The following PSKH2 variants were observed in gnomAD, a reference collection of about 807,000 sequenced individuals.
The protein encoded by PSKH2 is protein serine kinase H2.
Under a neutral mutation model 22.5 loss-of-function variants are expected in PSKH2, and 16 were observed. The observed-to-expected ratio is 0.71, with a 90% CI of 0.48 to 1.08. The LOEUF (loss-of-function observed/expected upper bound fraction) is 1.08, where lower values mean the gene tolerates loss of function less well. PSKH2 is among the 50% of genes least tolerant of loss of function. The pLI, the probability that PSKH2 is intolerant of heterozygous loss-of-function variation, is 0.00. For synonymous variants in PSKH2, 188 were observed against 184.8 expected, an observed-to-expected ratio of 1.02 and a Z score of -0.14; for missense variants, 516 against 492.8, an observed-to-expected ratio of 1.05 and a Z score of -0.44.
chr8:86,052,433 C>G (rs10086956), intron 2 of PSKH2, among the ~76,000 whole-genome samples: 48,041 of 152,134 alleles, frequency 0.32, 8,064 homozygotes, highest in Middle Eastern at 0.47. Context: ...TGACCACACA[C>G]AGCTCTGCAA....
chr8:86,057,658 G>T (rs1314078332), intron 2 of PSKH2, among the ~76,000 whole-genome samples: 1 of 152,102 alleles, frequency 6.6e-6, no homozygotes, highest in Non-Finnish European at 1.5e-5. Flanking sequence ...CCAAAGTGCT[G>T]GGATTACAGG....
Position 86,064,403 on chromosome 8 carries a change from C to T in PSKH2, c.414G>A (p.Glu138=). The T allele has an allele frequency of 6.2e-7, 1 of 1,614,186 alleles. No individual in the cohort carries two copies. The highest frequency in any genetic ancestry group is 8.5e-7 in the Non-Finnish European group (1 of 1,180,042). Residue 138 remains glutamate, a synonymous_variant, in exon 2 of 3, where the codon GAG becomes GAA. Coordinates refer to ENST00000276616, the MANE Select transcript of PSKH2 (RefSeq NM_033126.3). Reference sequence around the variant, plus strand: ...CAAAGAGCTCCCCTCCGGTAGCCAGCTCCATTACCATGTAAACTTGATCCT... The same window carrying T: ...CAAAGAGCTCCCCTCCGGTAGCCAGTTCCATTACCATGTAAACTTGATCCT... ...ETEDQVYMVM[E]LATGGELFDR...
chr8:86,060,527 C>T (rs1817762449), intron 2 of PSKH2, among the ~76,000 whole-genome samples: 1 of 152,104 alleles, frequency 6.6e-6, no homozygotes, highest in Non-Finnish European at 1.5e-5. Flanking sequence ...TATATGATTC[C>T]TTGGTATTAT....
intron 1 of PSKH2, among the ~76,000 whole-genome samples, chr8:86,066,683 T>C (rs764442529): frequency 3.3e-5 from 5 of 152,158 alleles, no homozygotes; most frequent in African/African-American, 4.8e-5. Context: ...CCTGTAACTT[T>C]TTTTTTTGCC....
chr8:86,062,544 C>T (rs376138849), intron 2 of PSKH2, among the ~76,000 whole-genome samples: 3 of 152,232 alleles, frequency 2.0e-5, no homozygotes, highest in South Asian at 4.2e-4. Flanking sequence ...ACGTTGTTCT[C>T]ATGATAGTGA....
intron 2 of PSKH2, among the ~76,000 whole-genome samples, chr8:86,054,719 T>C (rs980756389): frequency 2.0e-5 from 3 of 152,190 alleles, no homozygotes; most frequent in African/African-American, 7.2e-5. Context: ...TATTCACAAG[T>C]CACAGGTGCC....
At chr8:86,059,921 T>G (rs1297644877) in intron 2 of PSKH2, among the ~76,000 whole-genome samples, 1 of 152,216 alleles carries the variant, frequency 6.6e-6, no homozygotes, top group East Asian at 1.9e-4. Context: ...GGAAAAGATT[T>G]GCATCTGTAG....
chr8:86,057,482 G>A (rs571618164), intron 2 of PSKH2, among the ~76,000 whole-genome samples: 2 of 152,150 alleles, frequency 1.3e-5, no homozygotes, highest in African/African-American at 4.8e-5. Context: ...CACCTCCCGG[G>A]TTCAAGCGAT....
At chr8:86,062,648 C>T (rs564829990) in intron 2 of PSKH2, among the ~76,000 whole-genome samples, 1 of 152,252 alleles carries the variant, frequency 6.6e-6, no homozygotes, top group African/African-American at 2.4e-5. Flanking sequence ...GCTTGCTTCC[C>T]CTTGGCCTTC....
Position 86,064,057 on chromosome 8 carries a change from C to T in PSKH2, c.760G>A (p.Ala254Thr). The T allele has an allele frequency of 5.6e-6, 9 of 1,614,146 alleles. No homozygotes were observed. Among genetic ancestry groups the T allele is most frequent in the Non-Finnish European group, 7.6e-6 (9 of 1,180,012 alleles). ...AAAGGCAGGAATCCGCTAAGTAAAG[C>T]ATATGTGATCACACCAAGAGCCCAC... ...DMWALGVITY[A>T]LLSGFLPFDD... is the part of the protein sequence containing the mutation. Residue 254 changes from alanine to threonine, a missense_variant, in exon 2 of 3, where the codon GCT becomes ACT. By Grantham distance (58) the Ala-to-Thr change is moderately conservative (BLOSUM62 0). Coordinates refer to ENST00000276616, the MANE Select transcript of PSKH2 (RefSeq NM_033126.3).
At chr8:86,068,011 G>A (rs1304868768) in intron 1 of PSKH2, among the ~76,000 whole-genome samples, 1 of 152,182 alleles carries the variant, frequency 6.6e-6, no homozygotes, top group East Asian at 1.9e-4. Flanking sequence ...AATTAGTAGG[G>A]TGGATGAAAA....
rs1817555365 is a variant in PSKH2, at chr8:86,048,157, C to G, written c.*305G>C. ...GTTCACCATGCCTTCACATATACAT[C>G]CCTTATTTCTATAGTATTGTATTTT... On this transcript the variant is annotated 3_prime_UTR_variant, in exon 3 of 3. Coordinates refer to ENST00000276616, the MANE Select transcript of PSKH2 (RefSeq NM_033126.3). Among the ~76,000 whole-genome samples, 1 of 152,120 alleles carries G rather than the reference C, an allele frequency of 6.6e-6. No homozygotes were observed. The highest frequency in any genetic ancestry group is 2.4e-5 in the African/African-American group (1 of 41,414).
chr8:86,064,223 C>T lies in PSKH2; in HGVS notation c.594G>A (p.Ser198=), dbSNP rs16879396. 4,781 of 1,614,038 alleles carry T rather than the reference C, an allele frequency of 3.0e-3. 143 individuals are homozygous for T. In the African/African-American group the frequency reaches 0.057, roughly 19 times the overall value. Residue 198 remains serine, a synonymous_variant, in exon 2 of 3, where the codon TCG becomes TCA. Transcript: ENST00000276616. ...AACCAAAATCTGTAATTAAAATTTT[C>T]GACTCTTCACCTGGATGATAGTATA... ...NLLYYHPGEE[S]KILITDFGLA... is the part of the protein sequence containing the mutation.
chr8:86,069,439 T>G lies in PSKH2; in HGVS notation c.184A>C (p.Arg62=), dbSNP rs571676571. ...CCAGTTCCTCACGTGGCGCTTTACC[T>G]GGCAAGGACCCGGGGGTCGAACTTG... ...RAKFDPRVLA[R]YDIKALIGTG... Residue 62 remains arginine, a splice_region_variant and synonymous_variant, in exon 1 of 3, where the codon AGA becomes CGA. Transcript: ENST00000276616. 8 of 1,580,468 alleles carry G rather than the reference T, an allele frequency of 5.1e-6. No individual in the cohort carries two copies. The African/African-American group carries it at 1.1e-4, about 22-fold the overall frequency.
intron 2 of PSKH2, among the ~76,000 whole-genome samples, chr8:86,049,176 C>A (rs905068319): frequency 6.6e-6 from 1 of 152,186 alleles, no homozygotes; most frequent in Non-Finnish European, 1.5e-5. Context: ...GTGGTCATCT[C>A]ACAGAGTTCC....
chr8:86,058,382 G>A (rs886385722), intron 2 of PSKH2, among the ~76,000 whole-genome samples: 4 of 152,146 alleles, frequency 2.6e-5, no homozygotes, highest in Admixed American at 6.5e-5. Context: ...AGCAACTAAG[G>A]ATGTTAATTA....
intron 2 of PSKH2, among the ~76,000 whole-genome samples, chr8:86,052,930 A>G (rs996018077): frequency 1.3e-5 from 2 of 152,222 alleles, no homozygotes; most frequent in African/African-American, 2.4e-5. Context: ...GCTTCACTGT[A>G]TAAAACAACA....
intron 2 of PSKH2, among the ~76,000 whole-genome samples, chr8:86,056,443 A>G (rs1817698996): frequency 6.6e-6 from 1 of 152,250 alleles, no homozygotes; most frequent in Non-Finnish European, 1.5e-5. Context: ...ACAAGAATAT[A>G]TGATTCACAA....
chr8:86,064,493 C>T lies in PSKH2; in HGVS notation c.324G>A (p.Glu108=). 6.2e-7 allele frequency: 1 copy of T among 1,614,032 alleles called. No individual in the cohort carries two copies. Among genetic ancestry groups the T allele is most frequent in the Non-Finnish European group, 8.5e-7 (1 of 1,180,024 alleles). Residue 108 remains glutamate (E), a synonymous_variant, in exon 2 of 3, where the codon GAG becomes GAA. Transcript: ENST00000276616. ...GGCTAACCCGCCGCAGGACGCTCAG[C>T]TCAGACACGCACGCTTCTCTACCTT... ...EREGREACVS[E]LSVLRRVSHR... is the part of the protein sequence containing the mutation.
Sources: gnomAD v4.1 joint callset for allele counts (sites outside exome capture counted in the v4.1 genomes callset) on GRCh38, gnomAD v4.1.1 for gene constraint, MANE v1.5 for transcripts, NCBI Gene and HGNC (gene_info 2026-07-23, HGNC 2026-07-21) for gene names.